The following CLIC5 variants were observed in gnomAD, a reference collection of about 807,000 sequenced individuals.
The protein encoded by CLIC5 is CLIC family member 5, also known as chloride intracellular channel protein 5.
Under a neutral mutation model 24.7 loss-of-function variants are expected in CLIC5, and 20 were observed. That is an observed-to-expected ratio of 0.81 (90% CI 0.57 to 1.18). CLIC5 has a LOEUF of 1.18. CLIC5 is among the 50% of genes most tolerant of loss of function. The probability of loss-of-function intolerance (pLI) is 0.00; values close to 1 mark genes in which losing one functional copy is unlikely to be tolerated. For missense variants in CLIC5, 341 were observed against 326.1 expected (o/e 1.05, Z -0.35); for synonymous variants, 159 against 135.6 (o/e 1.17, Z -1.20).
intron 1 of CLIC5, among the ~76,000 whole-genome samples, chr6:46,031,190 C>G (rs1371133347): frequency 6.6e-6 from 1 of 152,176 alleles, no homozygotes; most frequent in Non-Finnish European, 1.5e-5. Flanking sequence ...TTCTTATGTA[C>G]TAAATAATAT....
At chr6:46,085,831 T>A in the CLIC5 span, among the ~76,000 whole-genome samples, 1 of 152,238 alleles carries the variant, frequency 6.6e-6, no homozygotes, top group Non-Finnish European at 1.5e-5. Context: ...TGTTTGTCTG[T>A]GCCCTGCCCC....
At position 45,914,290 on chromosome 6, in the gene CLIC5, G is replaced by A. The variant is rs774161622; in HGVS notation, c.526C>T (p.Leu176=). 13 of 1,608,636 alleles carry A rather than the reference G, an allele frequency of 8.1e-6. No homozygotes were observed. Among genetic ancestry groups the A allele is most frequent in the South Asian group, 1.1e-5 (1 of 90,202 alleles). ...GCCAGGGTCAGCTCATCCCCATCCA[G>A]GAACTTGCGCCGGGACCCCTTGTCT... ...GEDKGSRRKF[L]DGDELTLADC... The change falls in exon 5 of 6, where the codon CTG becomes TTG. Residue 176 remains leucine, a synonymous_variant. Coordinates refer to ENST00000339561, the MANE Select transcript of CLIC5 (RefSeq NM_016929.5).
At chr6:46,019,602 C>T (rs192374934), upstream of CLIC5, among the ~76,000 whole-genome samples, 2,281 of 146,650 alleles carry the variant, frequency 0.016, 61 homozygotes, top group African/African-American at 0.053. Flanking sequence ...AGGAGAATGG[C>T]GTGAACCCGG....
intron 4 of CLIC5, among the ~76,000 whole-genome samples, chr6:45,918,644 C>T (rs760863144): frequency 6.6e-6 from 1 of 152,198 alleles, no homozygotes; most frequent in Non-Finnish European, 1.5e-5. Context: ...AACCAGGAAC[C>T]CACCTGTGAC....
rs111665683 is a variant in CLIC5, at chr6:45,910,978, G to T, written c.588+3250C>A. Among the ~76,000 whole-genome samples, 911 of 152,262 alleles carry T rather than the reference G, an allele frequency of 6.0e-3. 6 individuals carry two copies. Among genetic ancestry groups the T allele is most frequent in the African/African-American group, 0.02 (840 of 41,542 alleles). On this transcript the variant is annotated intron_variant, in intron 5 of 5. Transcript: ENST00000339561. ...CACAGGACCACTTCATCATACCCAC[G>T]CAGAGAGGCCAGCACATAGCAGGAA...
chr6:45,888,767 G>A (rs1315301421), intron 6 of CLIC5, among the ~76,000 whole-genome samples: 2 of 152,086 alleles, frequency 1.3e-5, no homozygotes, highest in Admixed American at 6.5e-5. Context: ...TTCCCAGCAA[G>A]GAATGTTATT....
chr6:45,886,144 G>A (rs568720479), intron 6 of CLIC5, among the ~76,000 whole-genome samples: 1 of 152,336 alleles, frequency 6.6e-6, no homozygotes, highest in East Asian at 1.9e-4. Context: ...GGTCACTTCA[G>A]AATACGTCAT....
At chr6:45,947,226 G>A (rs546202500) in intron 3 of CLIC5, among the ~76,000 whole-genome samples, 1 of 152,330 alleles carries the variant, frequency 6.6e-6, no homozygotes, top group African/African-American at 2.4e-5. Flanking sequence ...GTTGCAGATT[G>A]GAGACCCCTG....
intron 1 of CLIC5, among the ~76,000 whole-genome samples, chr6:46,055,892 AG>A (rs1473905486): frequency 8.5e-5 from 13 of 152,222 alleles, no homozygotes; most frequent in African/African-American, 2.9e-4. Flanking sequence ...CCAAACACAG[AG>A]ACAGAAAGTA....
At position 46,045,071 on chromosome 6, in the gene CLIC5, G is replaced by A. The variant is rs572939403; in HGVS notation, c.540+34632C>T. Among the ~76,000 whole-genome samples, 38 of 152,168 alleles carry A rather than the reference G, an allele frequency of 2.5e-4. No homozygotes were observed. In the South Asian group the frequency reaches 6.9e-3, roughly 27 times the overall value. On this transcript the variant is annotated intron_variant, in intron 1 of 5. Coordinates refer to the CLIC5 transcript ENST00000185206. ...TGGGCCGTAGTCCCCCACCACACCC[G>A]CTCTCCTCTGAGAGTAAAATGCCCT...
At chr6:46,124,012 G>A in the CLIC5 span, among the ~76,000 whole-genome samples, 1 of 152,136 alleles carries the variant, frequency 6.6e-6, no homozygotes, top group Non-Finnish European at 1.5e-5. Flanking sequence ...ACTGCCCAAG[G>A]TAATTTATAG....
chr6:46,083,170 A>G (rs1762960446), upstream of CLIC5, among the ~76,000 whole-genome samples: 1 of 152,262 alleles, frequency 6.6e-6, no homozygotes, highest in African/African-American at 2.4e-5. Flanking sequence ...TGTTGGATAA[A>G]TAAATTAAAG....
intron 1 of CLIC5, among the ~76,000 whole-genome samples, chr6:46,061,181 T>TTTTGTTTG (rs70996361): frequency 2.2e-3 from 327 of 152,030 alleles, no homozygotes; most frequent in East Asian, 6.0e-3. Flanking sequence ...TTGTTTTTGT[T>TTTTGTTTG]TTTGTTTGTT....
At chr6:46,084,576 T>G (rs1486056847), upstream of CLIC5, among the ~76,000 whole-genome samples, 1 of 152,234 alleles carries the variant, frequency 6.6e-6, no homozygotes, top group Non-Finnish European at 1.5e-5. Flanking sequence ...GAAAATTCTT[T>G]CCTTTAAGAA....
chr6:46,072,380 G>C (rs1425418865), intron 1 of CLIC5, among the ~76,000 whole-genome samples: 1 of 151,990 alleles, frequency 6.6e-6, no homozygotes, highest in South Asian at 2.1e-4. Context: ...TAGTGGCCAA[G>C]ATGAAGAGGA....
chr6:46,051,008 G>A (rs951111996), intron 1 of CLIC5, among the ~76,000 whole-genome samples: 17 of 152,066 alleles, frequency 1.1e-4, no homozygotes, highest in Non-Finnish European at 2.4e-4. Flanking sequence ...TGAGTCAAAA[G>A]TTCTGAAAAT....
chr6:45,923,464 A>G (rs1243542921), intron 4 of CLIC5, among the ~76,000 whole-genome samples: 2 of 152,238 alleles, frequency 1.3e-5, no homozygotes, highest in Non-Finnish European at 2.9e-5. Flanking sequence ...CAAACTTAAA[A>G]ACTGCCTCTG....
upstream of CLIC5, among the ~76,000 whole-genome samples, chr6:46,020,069 A>G (rs530715483): frequency 3.3e-5 from 5 of 152,292 alleles, no homozygotes; most frequent in South Asian, 8.3e-4. Flanking sequence ...AACACTATCA[A>G]TAACCTTGAC....
At chr6:46,007,943 G>A (rs1218712655) in intron 1 of CLIC5, among the ~76,000 whole-genome samples, 1 of 99,204 alleles carries the variant, frequency 1.0e-5, no homozygotes, top group Admixed American at 1.2e-4. Context: ...ATTTTCATTT[G>A]CACAAATTTA....
Sources: gnomAD v4.1 joint callset for allele counts (sites outside exome capture counted in the v4.1 genomes callset) on GRCh38, gnomAD v4.1.1 for gene constraint, MANE v1.5 for transcripts, NCBI Gene and HGNC (gene_info 2026-07-23, HGNC 2026-07-21) for gene names.